Variants in TCFL5 observed in about 807,000 individuals in gnomAD.
TCFL5 encodes the protein transcription factor-like 5 protein.
In TCFL5, 9 loss-of-function variants were observed where a neutral mutation model predicts 44.3. The ratio of observed to expected loss-of-function variants is 0.20; its 90% CI spans 0.12 to 0.35. The LOEUF (loss-of-function observed/expected upper bound fraction) is 0.35. TCFL5 is among the 10% of genes least tolerant of loss of function. The pLI, the probability that TCFL5 is intolerant of heterozygous loss-of-function variation, is 1.00. For synonymous variants in TCFL5, 319 were observed against 271.6 expected (o/e 1.17, Z -1.72); for missense variants, 603 against 613.4 (o/e 0.98, Z 0.18).
intron 5 of TCFL5, among the ~76,000 whole-genome samples, chr20:62,853,724 C>T (rs1393262759): frequency 6.6e-6 from 1 of 152,198 alleles, no homozygotes; most frequent in Non-Finnish European, 1.5e-5. Flanking sequence ...GTCCTACACA[C>T]CCGTCAGCCC....
At chr20:62,851,959 C>T in intron 5 of TCFL5, 2 of 785,636 alleles carry the variant, frequency 2.5e-6, no homozygotes, top group Non-Finnish European at 3.1e-6. Context: ...CAGGCGCCAC[C>T]ACGCCTGGCT....
intron 5 of TCFL5, among the ~76,000 whole-genome samples, chr20:62,853,533 T>G (rs2063844352): frequency 6.6e-6 from 1 of 151,960 alleles, no homozygotes; most frequent in African/African-American, 2.4e-5. Flanking sequence ...TATTTTTTAG[T>G]AGAGATGGGG....
chr20:62,845,357 A>G, intron 5 of TCFL5: 1 of 1,121,994 alleles, frequency 8.9e-7, no homozygotes, highest in Non-Finnish European at 1.1e-6. Context: ...TCCTGACCTC[A>G]GGTAATCTGC....
At chr20:62,859,215 G>A (rs2147293338) in intron 3 of TCFL5, 149 bp downstream of exon 3, 2 of 661,254 alleles carry the variant, frequency 3.0e-6, no homozygotes, top group Middle Eastern at 2.8e-4. Context: ...GGAAGCGGGT[G>A]GACAGACCCC....
At chr20:62,858,201 C>T (rs978924472) in intron 3 of TCFL5, among the ~76,000 whole-genome samples, 7 of 152,244 alleles carry the variant, frequency 4.6e-5, no homozygotes, top group Non-Finnish European at 8.8e-5. Context: ...GAAGAAGTAG[C>T]GTCCGAGCTT....
chr20:62,852,858 C>G lies in TCFL5; in HGVS notation c.1380+1158G>C, dbSNP rs562760768. 4 of 1,289,614 alleles carry G rather than the reference C, an allele frequency of 3.1e-6. No individual in the cohort carries two copies. The African/African-American group carries it at 6.1e-5, about 20-fold the overall frequency. 79.9% of individuals were successfully genotyped at this position (1,289,614 alleles called of 1,614,324 possible). On this transcript the variant is annotated intron_variant, in intron 5 of 5. Coordinates refer to ENST00000335351, the MANE Select transcript of TCFL5 (RefSeq NM_006602.4). ...GTCAACCAGTCCACAAAAGTATGTT[C>G]ACCCAGTCCATGGAAGTATAGTCAC... is the stretch of plus-strand genomic sequence containing the variant.
chr20:62,859,919 G>T lies in TCFL5; in HGVS notation c.831+206C>A, dbSNP rs142338964. Reference sequence around the variant, plus strand: ...GTACGGGGTTTCACCATGTTGGCCAGGCTAGTCTTGAACTCCTGAACTCAA... The same window carrying T: ...GTACGGGGTTTCACCATGTTGGCCATGCTAGTCTTGAACTCCTGAACTCAA... On this transcript the variant is annotated intron_variant, in intron 2 of 5. Transcript: ENST00000335351. 6.0e-3 allele frequency among the ~76,000 whole-genome samples: 916 copies of T among 152,082 alleles called. 3 individuals carry two copies. Among genetic ancestry groups the T allele is most frequent in the Non-Finnish European group, 0.01 (710 of 68,018 alleles).
chr20:62,845,916 A>C, intron 5 of TCFL5: 1 of 1,513,206 alleles, frequency 6.6e-7, no homozygotes, highest in African/African-American at 1.4e-5. Context: ...ATGCTAAGGA[A>C]GCCTTCAGGA....
chr20:62,853,166 A>AAAGTATAGTCACCCAGTCCACAG (rs1568785716), intron 5 of TCFL5, among the ~76,000 whole-genome samples: 4 of 143,090 alleles, frequency 2.8e-5, no homozygotes, highest in East Asian at 2.0e-4. Context: ...CCAGTCCACA[A>AAAGTATAGTCACCCAGTCCACAG]AAGTATAGTC....
chr20:62,858,256 G>C (rs566958453), intron 3 of TCFL5, among the ~76,000 whole-genome samples: 1 of 152,236 alleles, frequency 6.6e-6, no homozygotes, highest in Non-Finnish European at 1.5e-5. Flanking sequence ...CAGTGGAACT[G>C]TATCCATCAA....
At chr20:62,851,641 A>G (rs970943698) in intron 5 of TCFL5, 5 of 985,452 alleles carry the variant, frequency 5.1e-6, no homozygotes, top group Non-Finnish European at 6.0e-6. Flanking sequence ...AATTAAATGT[A>G]TAATGTAAAT....
chr20:62,858,720 G>A (rs1330320349), intron 3 of TCFL5, among the ~76,000 whole-genome samples: 27 of 71,260 alleles, frequency 3.8e-4, no homozygotes, highest in Non-Finnish European at 4.7e-4. Context: ...GGAGGAAGGG[G>A]CTACGCAGGT....
At chr20:62,853,023 C>G (rs968294649) in intron 5 of TCFL5, 2 of 1,259,828 alleles carry the variant, frequency 1.6e-6, no homozygotes, top group Non-Finnish European at 2.1e-6. Context: ...TATAGTCACC[C>G]GGTCCACAGA....
At chr20:62,857,860 C>T (rs572061259) in intron 3 of TCFL5, among the ~76,000 whole-genome samples, 241 of 152,248 alleles carry the variant, frequency 1.6e-3, no homozygotes, top group Non-Finnish European at 2.9e-3. Context: ...AATCAATCAT[C>T]ACACTAAATA....
At chr20:62,845,007 G>A in intron 5 of TCFL5, 9 of 986,082 alleles carry the variant, frequency 9.1e-6, no homozygotes, top group Non-Finnish European at 1.1e-5. Context: ...TGGAGTGACT[G>A]GAACATTCCA....
rs1045911025 is a variant in TCFL5, at chr20:62,842,430, G to A, written c.1381-333C>T. 6.6e-6 allele frequency among the ~76,000 whole-genome samples: 1 copy of A among 152,146 alleles called. No individual in the cohort carries two copies. The highest frequency in any genetic ancestry group is 2.4e-5 in the African/African-American group (1 of 41,434). On this transcript the variant is annotated intron_variant, in intron 5 of 5. Coordinates refer to ENST00000335351, the MANE Select transcript of TCFL5 (RefSeq NM_006602.4). The surrounding 1 kb of genome is among the most constrained non-coding windows in gnomAD (Gnocchi z 4.3). Reference sequence around the variant, plus strand: ...CTAATGGGCCCTAGCTAATAAACCTGTAAACCCAGCGTGTGAGAGAAGGTA... The same window carrying A: ...CTAATGGGCCCTAGCTAATAAACCTATAAACCCAGCGTGTGAGAGAAGGTA...
rs181510461 is a variant in TCFL5 at position 62,855,319 on chromosome 20, C to A, written c.1239-1162G>T. ...TGGGGCGACAGGTGTGCAACACCAC[C>A]ACTACTAGTATTGTTGGTTTTTCTT... On this transcript the variant is annotated intron_variant, in intron 4 of 5. Coordinates refer to ENST00000335351, the MANE Select transcript of TCFL5 (RefSeq NM_006602.4). Among the ~76,000 whole-genome samples the A allele has an allele frequency of 2.9e-4, 44 of 152,202 alleles. No individual in the cohort carries two copies. The East Asian group carries it at 6.0e-3, about 21-fold the overall frequency.
At chr20:62,844,212 C>A (rs2063710454) in intron 5 of TCFL5, among the ~76,000 whole-genome samples, 1 of 152,208 alleles carries the variant, frequency 6.6e-6, no homozygotes, top group Admixed American at 6.5e-5. Context: ...TCTGATGTCT[C>A]CACATCCTTG....
chr20:62,841,202 A>AATT lies in TCFL5; in HGVS notation c.*770_*772dup. ...GTTTTGTGTACAAACTCACATCTCC[A>AATT]ATTAACAGTATTTATTGAGGGTGAC... On this transcript the variant is annotated 3_prime_UTR_variant, in exon 6 of 6. Transcript: ENST00000335351. 6.3e-6 allele frequency: 1 copy of AATT among 158,304 alleles called. No homozygotes were observed. Among genetic ancestry groups the AATT allele is most frequent in the East Asian group, 1.7e-4 (1 of 5,756 alleles). The allele number at this position is 158,304 out of a possible 1,614,324, so 9.8% of individuals were successfully genotyped here.
Sources: gnomAD v4.1 joint callset for allele counts (sites outside exome capture counted in the v4.1 genomes callset) on GRCh38, gnomAD v4.1.1 for gene constraint, Gnocchi (gnomAD v3.1) non-coding constraint, MANE v1.5 for transcripts, NCBI Gene and HGNC (gene_info 2026-07-23, HGNC 2026-07-21) for gene names.